The following PKIB variants were observed in gnomAD, a reference collection of about 807,000 sequenced individuals.
The protein encoded by PKIB is cAMP-dependent protein kinase inhibitor beta.
PKIB carries 2 observed loss-of-function variants against 4.5 expected under a neutral mutation model. That is an observed-to-expected ratio of 0.44 (90% CI 0.18 to 1.39). The LOEUF (loss-of-function observed/expected upper bound fraction) is 1.39. Ranked by LOEUF, PKIB falls within the 40% of genes most tolerant of loss-of-function variation. PKIB has a pLI of 0.27. For synonymous variants in PKIB, 38 were observed against 36.0 expected (o/e 1.06, Z -0.20); for missense variants, 94 against 92.6 (o/e 1.02, Z -0.06).
exon 1 of PKIB, chr6:122,471,948 C>A: frequency 5.3e-6 from 6 of 1,141,902 alleles, no homozygotes; most frequent in Non-Finnish European, 5.9e-6. Flanking sequence ...GACGACACGG[C>A]TGTCTTCTTT....
intron 2 of PKIB, chr6:122,481,804 ATTAG>A (rs1412420743): frequency 6.6e-6 from 1 of 152,334 alleles, no homozygotes; most frequent in East Asian, 1.9e-4. Context: ...GAAGTCAGAA[ATTAG>A]TTCAAATTTT....
At chr6:122,614,750 A>G (rs1419912786) in intron 1 of PKIB, among the ~76,000 whole-genome samples, 1 of 152,166 alleles carries the variant, frequency 6.6e-6, no homozygotes, top group African/African-American at 2.4e-5. Context: ...AGAAAACACC[A>G]TTCTTAAAAT....
At chr6:122,590,057 A>G (rs1340198577) in intron 3 of PKIB, among the ~76,000 whole-genome samples, 2 of 152,202 alleles carry the variant, frequency 1.3e-5, no homozygotes, top group South Asian at 2.1e-4. Flanking sequence ...ACAGAACAAA[A>G]GGGGGATTTT....
intron 1 of PKIB, among the ~76,000 whole-genome samples, chr6:122,615,044 G>C (rs1774927092): frequency 6.6e-6 from 1 of 151,978 alleles, no homozygotes; most frequent in Non-Finnish European, 1.5e-5. Context: ...ACACTCCAAG[G>C]GTTTGCAAAA....
At chr6:122,718,445 G>A (rs1461475507) in intron 4 of PKIB, among the ~76,000 whole-genome samples, 4 of 152,078 alleles carry the variant, frequency 2.6e-5, no homozygotes, top group Middle Eastern at 6.8e-3. Context: ...CAGAATTTTT[G>A]TATAAAAGGT....
intron 2 of PKIB, among the ~76,000 whole-genome samples, chr6:122,507,927 TA>T (rs1776463665): frequency 6.6e-6 from 1 of 152,156 alleles, no homozygotes; most frequent in Non-Finnish European, 1.5e-5. Context: ...TAAAAAAATT[TA>T]AGGTAACAAG....
At chr6:122,536,461 A>G (rs943673277) in intron 2 of PKIB, among the ~76,000 whole-genome samples, 3 of 152,180 alleles carry the variant, frequency 2.0e-5, no homozygotes, top group Non-Finnish European at 2.9e-5. Context: ...ATCTCTGACT[A>G]TATTTGGCCT....
intron 3 of PKIB, among the ~76,000 whole-genome samples, chr6:122,713,144 G>C (rs939159419): frequency 6.6e-6 from 1 of 152,014 alleles, no homozygotes; most frequent in African/African-American, 2.4e-5. Context: ...CCTGAAAATT[G>C]TATATTTTCA....
chr6:122,542,469 G>T (rs1000012417), intron 2 of PKIB, among the ~76,000 whole-genome samples: 3 of 152,084 alleles, frequency 2.0e-5, no homozygotes, highest in East Asian at 1.9e-4. Context: ...GTTTGCCTGG[G>T]TATCAGCAGC....
chr6:122,660,944 T>C (rs1776960921), intron 2 of PKIB, among the ~76,000 whole-genome samples: 1 of 152,184 alleles, frequency 6.6e-6, no homozygotes, highest in Admixed American at 6.5e-5. Context: ...ATACTTAGAC[T>C]TTTTTAGTGT....
At chr6:122,689,028 A>G (rs7763236) in intron 3 of PKIB, among the ~76,000 whole-genome samples, 72,276 of 151,528 alleles carry the variant, frequency 0.48, 17,986 homozygotes, top group Non-Finnish European at 0.56. Context: ...TGACCCGCCC[A>G]CCTCGGCCTC....
chr6:122,548,500 T>G (rs1772574507), intron 2 of PKIB, among the ~76,000 whole-genome samples: 1 of 152,228 alleles, frequency 6.6e-6, no homozygotes, highest in South Asian at 2.1e-4. Flanking sequence ...TTATTCTAGC[T>G]GTCATTTCAT....
intron 2 of PKIB, among the ~76,000 whole-genome samples, chr6:122,531,979 A>G (rs1194471002): frequency 6.6e-6 from 1 of 152,200 alleles, no homozygotes. Context: ...GCTCTATGAT[A>G]CAGACTTACC....
intron 3 of PKIB, among the ~76,000 whole-genome samples, chr6:122,597,018 A>G (rs1003634536): frequency 1.3e-5 from 2 of 152,198 alleles, no homozygotes; most frequent in African/African-American, 4.8e-5. Context: ...AAATGCAGCA[A>G]CTTATCCTTC....
intron 3 of PKIB, among the ~76,000 whole-genome samples, chr6:122,699,761 T>C (rs1017001001): frequency 6.6e-6 from 1 of 152,208 alleles, no homozygotes; most frequent in Non-Finnish European, 1.5e-5. Context: ...CTAATTTCCA[T>C]TTATTTTTCA....
At chr6:122,550,199 G>A (rs1772632862) in intron 2 of PKIB, among the ~76,000 whole-genome samples, 1 of 152,112 alleles carries the variant, frequency 6.6e-6, no homozygotes, top group African/African-American at 2.4e-5. Context: ...ACAGACGTGA[G>A]CCACTGCACC....
At chr6:122,586,347 T>C (rs1773847807) in intron 3 of PKIB, among the ~76,000 whole-genome samples, 2 of 152,178 alleles carry the variant, frequency 1.3e-5, no homozygotes, top group South Asian at 4.1e-4. Flanking sequence ...ATTTTTCTCA[T>C]TTTAATGTAA....
At chr6:122,573,580 G>A (rs552913345) in intron 2 of PKIB, among the ~76,000 whole-genome samples, 9 of 149,626 alleles carry the variant, frequency 6.0e-5, no homozygotes, top group African/African-American at 1.7e-4. Flanking sequence ...AATACATCAC[G>A]ATCAAGTGGG....
Position 122,562,699 on chromosome 6 carries a change from G to A in PKIB, c.-247-23222G>A, listed in dbSNP as rs141735283. Among the ~76,000 whole-genome samples the A allele has an allele frequency of 3.1e-3, 471 of 152,210 alleles. 3 individuals carry two copies. Among genetic ancestry groups the A allele is most frequent in the African/African-American group, 0.011 (460 of 41,556 alleles). On this transcript the variant is annotated intron_variant, in intron 2 of 6. Transcript: ENST00000392491. ...TTTATTGGATTGGGTTAATTAGAAG[G>A]CTTTGTCTTCAAGCTCTGAATTTCT... is the stretch of plus-strand genomic sequence containing the variant.
Sources: allele counts gnomAD v4.1 joint callset (sites outside exome capture counted in the v4.1 genomes callset), GRCh38; gene constraint gnomAD v4.1.1; transcripts MANE v1.5; gene names NCBI Gene and HGNC (gene_info 2026-07-23, HGNC 2026-07-21).